The following MOG variants were observed in gnomAD, a reference collection of about 807,000 sequenced individuals.
MOG encodes myelin-oligodendrocyte glycoprotein.
In MOG, 20 loss-of-function variants were observed where a neutral mutation model predicts 35.9. That is an observed-to-expected ratio of 0.56 (90% CI 0.39 to 0.81). The LOEUF (loss-of-function observed/expected upper bound fraction) is 0.81. Ranked by LOEUF, MOG falls within the 30% of genes least tolerant of loss-of-function variation. The pLI, the probability that MOG is intolerant of heterozygous loss-of-function variation, is 0.00. For synonymous variants in MOG, 92 were observed against 114.3 expected, an observed-to-expected ratio of 0.80 and a Z score of 1.25; for missense variants, 251 against 301.0, an observed-to-expected ratio of 0.83 and a Z score of 1.23.
At chr6:29,669,383 T>C (rs1317774388) in intron 5 of MOG, among the ~76,000 whole-genome samples, 1 of 151,954 alleles carries the variant, frequency 6.6e-6, no homozygotes. Flanking sequence ...CTCCACCTCC[T>C]GGGTTCAAGC....
chr6:29,664,209 TA>T (rs1183843817), intron 2 of MOG, among the ~76,000 whole-genome samples: 27 of 146,864 alleles, frequency 1.8e-4, no homozygotes, highest in African/African-American at 6.6e-4. Flanking sequence ...TTTATTTATT[TA>T]TTTATTTTTT....
rs1437186246 is a variant in MOG, at chr6:29,671,764, C to T, written c.*579C>T. 1 of 433,052 alleles carries T rather than the reference C, an allele frequency of 2.3e-6. No individual in the cohort carries two copies. Among genetic ancestry groups the T allele is most frequent in the African/African-American group, 2.0e-5 (1 of 51,088 alleles). The allele number at this position is 433,052 out of a possible 1,614,324, so 26.8% of individuals were successfully genotyped here. A position where few individuals can be genotyped will look rare whatever the true frequency, so the allele number is the denominator to read the frequency against. On this transcript the variant is annotated 3_prime_UTR_variant, in exon 8 of 8. Coordinates refer to ENST00000376917, the MANE Select transcript of MOG (RefSeq NM_206809.4). The stretch of plus-strand genomic sequence containing the variant: ...CTACAGAATACTAGCCAGAGCTCCT[C>T]CTTGTCTTGGCAGCCTACTAGGGAC...
intron 2 of MOG, 97 bp downstream of exon 2, chr6:29,659,763 G>T: frequency 1.0e-6 from 1 of 973,950 alleles, no homozygotes; most frequent in Non-Finnish European, 1.6e-6. Context: ...AAACATCTCA[G>T]TCCTGGGAAT....
chr6:29,659,151 A>C (rs181108006), intron 1 of MOG, among the ~76,000 whole-genome samples, 168 bp from the exon 2 acceptor site: 2 of 150,988 alleles, frequency 1.3e-5, no homozygotes, highest in Non-Finnish European at 2.9e-5. Context: ...AATAAATAAA[A>C]AGGAAGAAGA....
At chr6:29,661,482 A>G in intron 2 of MOG, 1 of 985,362 alleles carries the variant, frequency 1.0e-6, no homozygotes, top group Non-Finnish European at 1.2e-6. Flanking sequence ...TTCCTAGCTC[A>G]GTAACTGCCT....
At chr6:29,667,987 C>T in intron 5 of MOG, 63 bp downstream of exon 5, 8 of 1,539,360 alleles carry the variant, frequency 5.2e-6, no homozygotes, top group Non-Finnish European at 7.2e-6. Flanking sequence ...GTTCCAGTCA[C>T]CTGGGGGAAC....
At chr6:29,669,286 T>TTCTC (rs1444095829) in intron 5 of MOG, among the ~76,000 whole-genome samples, 1 of 131,158 alleles carries the variant, frequency 7.6e-6, no homozygotes, top group Non-Finnish European at 1.7e-5. Flanking sequence ...AACCTGTAAT[T>TTCTC]TCTTTCTTTC....
Position 29,659,856 on chromosome 6 carries a change from A to G in MOG, c.436+190A>G, listed in dbSNP as rs529819604. The G allele has an allele frequency of 2.1e-4, 135 of 628,842 alleles. 1 individual carries two copies. The South Asian group carries it at 2.5e-3, about 12-fold the overall frequency. The allele number at this position is 628,842 out of a possible 1,614,324, so 39.0% of individuals were successfully genotyped here. On this transcript the variant is annotated intron_variant, in intron 2 of 7. Coordinates refer to ENST00000376917, the MANE Select transcript of MOG (RefSeq NM_206809.4). ...TGCATCATTATTCAGAGTAGCAAGG[A>G]AATTGGGATCAAAATCAATGCCTTT...
Position 29,670,661 on chromosome 6 carries a change from A to G in MOG, c.710-40A>G. On this transcript the variant is annotated intron_variant, in intron 6 of 7. Coordinates refer to ENST00000376917, the MANE Select transcript of MOG (RefSeq NM_206809.4). This position sits in a 1 kb window ranked among gnomAD's most constrained non-coding sequence, Gnocchi z 4.2. ...GGAGGATGTGGGGAAGGTGCTATTC[A>G]TCTTCCACTAATCACATATTTGTTT... 6.2e-7 allele frequency: 1 copy of G among 1,609,914 alleles called. No individual in the cohort carries two copies. Among genetic ancestry groups the G allele is most frequent in the Non-Finnish European group, 8.5e-7 (1 of 1,178,356 alleles).
chr6:29,670,577 C>G lies in MOG; in HGVS notation c.710-124C>G, dbSNP rs1771251723. On this transcript the variant is annotated intron_variant, in intron 6 of 7. Coordinates refer to ENST00000376917, the MANE Select transcript of MOG (RefSeq NM_206809.4). This position sits in a 1 kb window ranked among gnomAD's most constrained non-coding sequence, Gnocchi z 4.2. ...GAGAAACTGTGAAGAGAACCACTTACTGGATCTGTGGGATCCCCCAGTGGA... is the reference window on the plus strand; with the variant it reads ...GAGAAACTGTGAAGAGAACCACTTAGTGGATCTGTGGGATCCCCCAGTGGA... 1 of 1,569,230 alleles carries G rather than the reference C, an allele frequency of 6.4e-7. No individual in the cohort carries two copies. The highest frequency in any genetic ancestry group is 1.8e-5 in the Admixed American group (1 of 54,362).
chr6:29,669,716 T>C (rs1176671362), intron 5 of MOG, among the ~76,000 whole-genome samples: 2 of 152,222 alleles, frequency 1.3e-5, no homozygotes. Context: ...ACTGCTCATA[T>C]TGTGGTTAGT....
chr6:29,666,059 C>A, intron 2 of MOG, 93 bp from the exon 3 acceptor site: 1 of 841,582 alleles, frequency 1.2e-6, no homozygotes, highest in Middle Eastern at 2.2e-4. Context: ...ATATTCACTT[C>A]TTTATTTGAC....
chr6:29,664,800 T>C (rs1769827492), intron 2 of MOG: 7 of 334,178 alleles, frequency 2.1e-5, no homozygotes, highest in Non-Finnish European at 4.1e-5. Flanking sequence ...AGAGGCAGGG[T>C]CTCACATTAT....
rs1562198660 is a variant in MOG, at chr6:29,666,256, AGACT to A, written c.544_547del (p.Leu182GlufsTer8). 6.3e-7 allele frequency: 1 copy of A among 1,598,376 alleles called. No homozygotes were observed. The highest frequency in any genetic ancestry group is 1.3e-5 in the African/African-American group (1 of 74,754). ...CCTCATCTTCCTCTGCCTGCAGTAC[AGACT>A]GAGAGGTACAGGGCAGAGGGTGGGT... On this transcript the variant is annotated frameshift_variant, in exon 3 of 8. Transcript: ENST00000376917. LOFTEE classifies it high-confidence loss of function.
Position 29,670,972 on chromosome 6 carries a change from T to C in MOG, c.731-200T>C. ...GCCACCTGATCCATTCCTCCTTCAC[T>C]GCCCCTAAGCAGGAATCCAACCCTA... On this transcript the variant is annotated intron_variant, in intron 7 of 7. Transcript: ENST00000376917. This position sits in a 1 kb window ranked among gnomAD's most constrained non-coding sequence, Gnocchi z 4.2. The C allele has an allele frequency of 6.2e-7, 1 of 1,612,322 alleles. No individual in the cohort carries two copies.
In MOG at chr6:29,670,814, C is replaced by T. The variant is rs1472167399; in HGVS notation, c.730+93C>T. The stretch of plus-strand genomic sequence containing the variant: ...AGGAAGAGGCGGGCTATTGAGGGAT[C>T]ACATTCCCAGAGGAAAGGAGGAGCT... On this transcript the variant is annotated intron_variant, in intron 7 of 7. Transcript: ENST00000376917. The surrounding 1 kb of genome is among the most constrained non-coding windows in gnomAD (Gnocchi z 4.2). The T allele has an allele frequency of 1.3e-6, 2 of 1,587,418 alleles. No individual in the cohort carries two copies. Among genetic ancestry groups the T allele is most frequent in the Non-Finnish European group, 1.7e-6 (2 of 1,165,846 alleles).
intron 2 of MOG, among the ~76,000 whole-genome samples, chr6:29,665,674 G>C (rs1770051439): frequency 6.6e-6 from 1 of 151,786 alleles, no homozygotes. Context: ...TGCTAAATCT[G>C]ACGTGGTCAC....
intron 1 of MOG, 63 bp downstream of exon 1, chr6:29,657,360 G>T: frequency 1.6e-6 from 2 of 1,239,438 alleles, no homozygotes; most frequent in Non-Finnish European, 2.3e-6. Context: ...AGTTTCCTGG[G>T]GCTTAGCTCC....
Position 29,659,497 on chromosome 6 carries a change from C to A in MOG, c.267C>A (p.Asp89Glu), listed in dbSNP as rs765672162. The A allele has an allele frequency of 6.2e-7, 1 of 1,613,004 alleles. No individual in the cohort carries two copies. The highest frequency in any genetic ancestry group is 8.5e-7 in the Non-Finnish European group (1 of 1,180,026). ...GAAATGGCAAGGACCAAGATGGAGA[C>A]CAGGCACCTGAATATCGGGGCCGGA... Reference protein sequence around the residue: ...LYRNGKDQDGDQAPEYRGRTE... With the variant: ...LYRNGKDQDGEQAPEYRGRTE... Residue 89 changes from aspartate (D) to glutamate (E), a missense_variant, in exon 2 of 8, where the codon GAC becomes GAA. By Grantham distance (45) the Asp-to-Glu change is conservative. Coordinates refer to ENST00000376917, the MANE Select transcript of MOG (RefSeq NM_206809.4).
Sources: gnomAD v4.1 joint callset for allele counts (sites outside exome capture counted in the v4.1 genomes callset) on GRCh38, gnomAD v4.1.1 for gene constraint, Gnocchi (gnomAD v3.1) non-coding constraint, MANE v1.5 for transcripts, NCBI Gene and HGNC (gene_info 2026-07-23, HGNC 2026-07-21) for gene names.